The following TSNARE1 variants were observed in gnomAD, a reference collection of about 807,000 sequenced individuals.
TSNARE1 encodes t-SNARE domain containing 1.
Under a neutral mutation model 62.0 loss-of-function variants are expected in TSNARE1, and 49 were observed. The observed-to-expected ratio is 0.79, with a 90% CI of 0.63 to 1.00. TSNARE1 has a LOEUF of 1.00. Ranked by LOEUF, TSNARE1 falls within the 50% of genes least tolerant of loss-of-function variation. TSNARE1 has a pLI of 0.00. For missense variants in TSNARE1, 755 were observed against 700.1 expected, an observed-to-expected ratio of 1.08 and a Z score of -0.88; for synonymous variants, 328 against 294.4, an observed-to-expected ratio of 1.11 and a Z score of -1.17.
intron 9 of TSNARE1, among the ~76,000 whole-genome samples, chr8:142,303,877 G>T (rs150537920): frequency 6.6e-6 from 1 of 152,124 alleles, no homozygotes; most frequent in Non-Finnish European, 1.5e-5. Flanking sequence ...CCACAGCACC[G>T]GCCACCCCAG....
In TSNARE1 at chr8:142,365,608, A is replaced by G. The variant is rs1040737101; in HGVS notation, c.-39-10845T>C. On this transcript the variant is annotated intron_variant, in intron 1 of 13. Transcript: ENST00000524325. ...TCCATAAACACATGCACACGCACAC[A>G]CACACACACACACACACACACACAC... 2.4e-3 allele frequency among the ~76,000 whole-genome samples: 350 copies of G among 148,234 alleles called. 3 individuals are homozygous for G. Among genetic ancestry groups the G allele is most frequent in the African/African-American group, 8.8e-3 (342 of 39,018 alleles).
chr8:142,238,075 T>TGTGACTGTCAGGCATCCTG (rs1430720258), intron 12 of TSNARE1, among the ~76,000 whole-genome samples: 2 of 152,058 alleles, frequency 1.3e-5, no homozygotes, highest in African/African-American at 4.8e-5. Flanking sequence ...CACCTAATGC[T>TGTGACTGTCAGGCATCCTG]GTGACTGTCA....
rs559806973 is a variant in TSNARE1, at chr8:142,305,343, C to T, written c.1132-4699G>A. On this transcript the variant is annotated intron_variant, in intron 9 of 13. Coordinates refer to ENST00000524325, the MANE Select transcript of TSNARE1 (RefSeq NM_145003.5). Reference sequence around the variant, plus strand: ...GGAAGCTCAGGAGGATAGGGGAGGGCGCAGGGGTGGGAGGGGGGTGCAAAC... The same window carrying T: ...GGAAGCTCAGGAGGATAGGGGAGGGTGCAGGGGTGGGAGGGGGGTGCAAAC... 1.9e-4 allele frequency among the ~76,000 whole-genome samples: 25 copies of T among 132,194 alleles called. No homozygotes were observed. The South Asian group carries it at 4.0e-3, about 21-fold the overall frequency. The allele number at this position is 132,194 out of a possible 152,430, so 86.7% of individuals were successfully genotyped here. A position where few individuals can be genotyped will look rare whatever the true frequency, so the allele number is the denominator to read the frequency against.
chr8:142,315,572 G>A (rs1828402616), intron 7 of TSNARE1, among the ~76,000 whole-genome samples: 1 of 152,174 alleles, frequency 6.6e-6, no homozygotes, highest in Non-Finnish European at 1.5e-5. Context: ...CCACACCTCA[G>A]TGCCCACCAG....
At position 142,384,160 on chromosome 8, in the gene TSNARE1, A is replaced by G. The variant is rs576084599; in HGVS notation, c.-40+18944T>C. Among the ~76,000 whole-genome samples the G allele has an allele frequency of 3.9e-5, 6 of 152,308 alleles. No homozygotes were observed. In the East Asian group the frequency reaches 9.7e-4, roughly 25 times the overall value. ...AACAGTCGACAGACCCAAGCAGCAG[A>G]GTAGGGACCATACACGGAGTCACTA... is the stretch of plus-strand genomic sequence containing the variant. On this transcript the variant is annotated intron_variant, in intron 1 of 13. Coordinates refer to ENST00000524325, the MANE Select transcript of TSNARE1 (RefSeq NM_145003.5).
rs557670103 is a variant in TSNARE1 at position 142,356,923 on chromosome 8, C to T, written c.-39-2160G>A. Among the ~76,000 whole-genome samples the T allele has an allele frequency of 5.9e-5, 9 of 151,964 alleles. 1 individual carries two copies. In the South Asian group the frequency reaches 1.9e-3, roughly 32 times the overall value. On this transcript the variant is annotated intron_variant, in intron 1 of 13. Coordinates refer to ENST00000524325, the MANE Select transcript of TSNARE1 (RefSeq NM_145003.5). ...ATAACAAAGGCTGTGTTAACAGCCC[C>T]AGGACAGGAAGGGGGGACGCCAAGA...
chr8:142,289,680 C>G (rs1005369152), intron 10 of TSNARE1, among the ~76,000 whole-genome samples: 3 of 152,224 alleles, frequency 2.0e-5, no homozygotes, highest in African/African-American at 7.2e-5. Context: ...AAGCCCTCTG[C>G]ATAGGAGCTT....
chr8:142,256,667 A>C (rs1321346046), intron 12 of TSNARE1, among the ~76,000 whole-genome samples: 1 of 152,134 alleles, frequency 6.6e-6, no homozygotes, highest in South Asian at 2.1e-4. Flanking sequence ...ATGCTTTCAC[A>C]GGCAATCCTG....
At chr8:142,275,960 C>T in intron 11 of TSNARE1, 1 of 985,406 alleles carries the variant, frequency 1.0e-6, no homozygotes, top group Non-Finnish European at 1.2e-6. Flanking sequence ...CCCATCTCTG[C>T]AAGCCCCCTG....
At chr8:142,377,351 TAA>T (rs561162281) in intron 1 of TSNARE1, among the ~76,000 whole-genome samples, 2 of 134,888 alleles carry the variant, frequency 1.5e-5, no homozygotes, top group African/African-American at 5.4e-5. Context: ...GGCAGCATAC[TAA>T]AAAAAAAAAA....
In TSNARE1 at chr8:142,290,263, G is replaced by A. The variant is rs1448251342; in HGVS notation, c.1291-5778C>T. ...GACTGCCCCGGATGGAGCCCTCCAGGGCAGCAGCAGTTCTGGTGCTGTTCT... is the reference window on the plus strand; with the variant it reads ...GACTGCCCCGGATGGAGCCCTCCAGAGCAGCAGCAGTTCTGGTGCTGTTCT... On this transcript the variant is annotated intron_variant, in intron 10 of 13. Transcript: ENST00000524325. Among the ~76,000 whole-genome samples, 4 of 152,234 alleles carry A rather than the reference G, an allele frequency of 2.6e-5. No homozygotes were observed. The East Asian group carries it at 7.7e-4, about 29-fold the overall frequency.
At chr8:142,256,109 CCAT>C (rs1300956291) in intron 12 of TSNARE1, among the ~76,000 whole-genome samples, 2 of 136,974 alleles carry the variant, frequency 1.5e-5, no homozygotes, top group Non-Finnish European at 3.2e-5. Context: ...ATCACCACCA[CCAT>C]CACCATCACC....
intron 4 of TSNARE1, among the ~76,000 whole-genome samples, chr8:142,335,206 C>A (rs147495078): frequency 1.3e-5 from 2 of 151,850 alleles, no homozygotes; most frequent in African/African-American, 4.8e-5. Context: ...CTCAACGAGG[C>A]GGGGTCATCA....
intron 1 of TSNARE1, among the ~76,000 whole-genome samples, chr8:142,373,981 G>A (rs1836106403): frequency 6.6e-6 from 1 of 152,144 alleles, no homozygotes; most frequent in Non-Finnish European, 1.5e-5. Context: ...GAAGTCTCCA[G>A]GAGGCGTCAG....
chr8:142,274,518 C>A (rs1249324944), intron 12 of TSNARE1: 4 of 985,486 alleles, frequency 4.1e-6, no homozygotes, highest in East Asian at 1.1e-4. Flanking sequence ...CACCCCGGAT[C>A]CATGGGAGAG....
At chr8:142,325,505 G>A (rs957633382) in intron 6 of TSNARE1, among the ~76,000 whole-genome samples, 4 of 152,348 alleles carry the variant, frequency 2.6e-5, no homozygotes, top group African/African-American at 9.6e-5. Context: ...GAGAGGAGGT[G>A]AGAAGTGCGT....
At chr8:142,367,120 A>G (rs1587037911) in intron 1 of TSNARE1, among the ~76,000 whole-genome samples, 1 of 152,362 alleles carries the variant, frequency 6.6e-6, no homozygotes, top group East Asian at 1.9e-4. Context: ...CAAAACTAGA[A>G]GTGATCAAAC....
chr8:142,395,565 T>G (rs1837838945), intron 1 of TSNARE1, among the ~76,000 whole-genome samples: 1 of 152,190 alleles, frequency 6.6e-6, no homozygotes, highest in Non-Finnish European at 1.5e-5. Flanking sequence ...CAGGAAGATC[T>G]GTCGCCAGGG....
chr8:142,401,827 G>C (rs1472730566), intron 1 of TSNARE1, among the ~76,000 whole-genome samples: 1 of 152,198 alleles, frequency 6.6e-6, no homozygotes, highest in Non-Finnish European at 1.5e-5. Flanking sequence ...TGTTCTACCA[G>C]ATTTCTGCTG....
Sources: gnomAD v4.1 joint callset for allele counts (sites outside exome capture counted in the v4.1 genomes callset) on GRCh38, gnomAD v4.1.1 for gene constraint, MANE v1.5 for transcripts, NCBI Gene and HGNC (gene_info 2026-07-23, HGNC 2026-07-21) for gene names.